The following MGAT4C variants were observed in gnomAD, a reference collection of about 807,000 sequenced individuals.
The protein encoded by MGAT4C is MGAT4 family member C, also known as alpha-1,3-mannosyl-glycoprotein 4-beta-N-acetylglucosaminyltransferase C.
MGAT4C carries 19 observed loss-of-function variants against 40.1 expected under a neutral mutation model. That is an observed-to-expected ratio of 0.47 (90% CI 0.33 to 0.70). The LOEUF (loss-of-function observed/expected upper bound fraction) is 0.70, where lower values mean the gene tolerates loss of function less well. Ranked by LOEUF, MGAT4C falls within the 30% of genes least tolerant of loss-of-function variation. The pLI is 0.02. For missense variants in MGAT4C, 491 were observed against 563.2 expected, an observed-to-expected ratio of 0.87 and a Z score of 1.30; for synonymous variants, 181 against 187.1, an observed-to-expected ratio of 0.97 and a Z score of 0.27.
At chr12:86,147,513 T>A (rs1040856694) in intron 1 of MGAT4C, among the ~76,000 whole-genome samples, 1 of 152,228 alleles carries the variant, frequency 6.6e-6, no homozygotes, top group Admixed American at 6.5e-5. Flanking sequence ...AGTGCTGGGA[T>A]TACAGGCGTG....
intron 2 of MGAT4C, among the ~76,000 whole-genome samples, chr12:86,603,779 C>A (rs563851100): frequency 1.5e-4 from 7 of 46,578 alleles, no homozygotes; most frequent in African/African-American, 2.8e-4. Context: ...ATTATATATA[C>A]TATATAATAT....
chr12:86,530,364 T>C (rs1565829137), intron 2 of MGAT4C, among the ~76,000 whole-genome samples: 1 of 151,972 alleles, frequency 6.6e-6, no homozygotes, highest in Non-Finnish European at 1.5e-5. Flanking sequence ...GAAGATAGCC[T>C]CTGAATCTTA....
chr12:86,545,180 A>G (rs1959186970), intron 2 of MGAT4C, among the ~76,000 whole-genome samples: 1 of 152,004 alleles, frequency 6.6e-6, no homozygotes, highest in Admixed American at 6.6e-5. Context: ...ATGTAAATCA[A>G]TTTATAAATG....
At chr12:86,041,297 T>C (rs1475869266) in intron 2 of MGAT4C, among the ~76,000 whole-genome samples, 1 of 152,156 alleles carries the variant, frequency 6.6e-6, no homozygotes, top group Admixed American at 6.6e-5. Context: ...TTTTTTTTTA[T>C]GGTTTGTGTG....
At chr12:86,819,613 T>C (rs1405922679) in intron 1 of MGAT4C, among the ~76,000 whole-genome samples, 1 of 150,852 alleles carries the variant, frequency 6.6e-6, no homozygotes, top group East Asian at 1.9e-4. Context: ...TTGGAAAATG[T>C]TTAAAACTTT....
intron 2 of MGAT4C, among the ~76,000 whole-genome samples, chr12:86,565,507 G>A (rs1960053302): frequency 2.0e-5 from 3 of 152,212 alleles, no homozygotes; most frequent in Admixed American, 2.0e-4. Context: ...AGTCTTTCCA[G>A]TGGGGAGAAC....
At chr12:86,230,000 G>A (rs1339147520) in intron 1 of MGAT4C, among the ~76,000 whole-genome samples, 1 of 152,012 alleles carries the variant, frequency 6.6e-6, no homozygotes, top group East Asian at 1.9e-4. Context: ...AAGAGACAAT[G>A]TCAATCTAAC....
chr12:86,295,277 G>T (rs956606991), intron 4 of MGAT4C, among the ~76,000 whole-genome samples: 1 of 152,128 alleles, frequency 6.6e-6, no homozygotes, highest in African/African-American at 2.4e-5. Flanking sequence ...AATTATTTGT[G>T]ATAACTTTTA....
At chr12:86,688,157 CTTTTTTTTTTTTT>C (rs55637680) in intron 2 of MGAT4C, among the ~76,000 whole-genome samples, 1 of 65,188 alleles carries the variant, frequency 1.5e-5, no homozygotes, top group Non-Finnish European at 2.6e-5. Flanking sequence ...GCAACCCCTG[CTTTTTTTTTTTTT>C]TTTTTTTTTT....
At chr12:86,112,114 C>A (rs752026700) in intron 1 of MGAT4C, among the ~76,000 whole-genome samples, 4 of 151,554 alleles carry the variant, frequency 2.6e-5, no homozygotes, top group Non-Finnish European at 5.9e-5. Context: ...AAGTGCATAT[C>A]ATCTATGCAT....
intron 2 of MGAT4C, among the ~76,000 whole-genome samples, chr12:86,440,416 T>C (rs904391371): frequency 1.3e-5 from 2 of 151,874 alleles, no homozygotes; most frequent in African/African-American, 4.8e-5. Context: ...AGCCATTCAA[T>C]AAAACCCAGC....
At chr12:86,383,565 A>AC (rs1955993575) in intron 3 of MGAT4C, among the ~76,000 whole-genome samples, 2 of 150,684 alleles carry the variant, frequency 1.3e-5, no homozygotes, top group South Asian at 2.1e-4. Context: ...AAAAAAAAAA[A>AC]AAAAAAAAAA....
At chr12:86,146,317 T>C (rs890472693) in intron 1 of MGAT4C, among the ~76,000 whole-genome samples, 43 of 152,258 alleles carry the variant, frequency 2.8e-4, no homozygotes, top group African/African-American at 9.6e-4. Context: ...GGAATCCACA[T>C]GTCCCATCGT....
chr12:86,666,673 C>G (rs543963258), intron 2 of MGAT4C, among the ~76,000 whole-genome samples: 1 of 152,216 alleles, frequency 6.6e-6, no homozygotes, highest in South Asian at 2.1e-4. Flanking sequence ...TTAGAAACAT[C>G]AACATAGCTT....
At chr12:86,645,329 T>G (rs541403412) in intron 2 of MGAT4C, among the ~76,000 whole-genome samples, 2 of 151,848 alleles carry the variant, frequency 1.3e-5, no homozygotes, top group Admixed American at 1.3e-4. Flanking sequence ...CTGAGATCAC[T>G]CATGTATTAC....
chr12:86,188,640 A>G (rs1156897353), intron 1 of MGAT4C, among the ~76,000 whole-genome samples: 5 of 152,006 alleles, frequency 3.3e-5, no homozygotes, highest in African/African-American at 4.8e-5. Flanking sequence ...TAGATGTGAT[A>G]TTTTGGAAGT....
chr12:86,100,874 A>G (rs1399272802), intron 1 of MGAT4C, among the ~76,000 whole-genome samples: 1 of 151,624 alleles, frequency 6.6e-6, no homozygotes, highest in East Asian at 1.9e-4. Flanking sequence ...GGGAGGAAAA[A>G]GATAGACTAT....
At chr12:86,444,159 C>T (rs989868313) in intron 2 of MGAT4C, among the ~76,000 whole-genome samples, 14 of 152,156 alleles carry the variant, frequency 9.2e-5, no homozygotes, top group African/African-American at 3.1e-4. Flanking sequence ...TCCATATCAC[C>T]AAAGGCACTA....
intron 3 of MGAT4C, among the ~76,000 whole-genome samples, chr12:86,345,337 C>T (rs1955006019): frequency 1.3e-5 from 2 of 151,680 alleles, no homozygotes; most frequent in African/African-American, 4.8e-5. Flanking sequence ...AGGTTTGTTA[C>T]ATATGTATAC....
Sources: allele counts gnomAD v4.1 joint callset (sites outside exome capture counted in the v4.1 genomes callset), GRCh38; gene constraint gnomAD v4.1.1; transcripts MANE v1.5; gene names NCBI Gene and HGNC (gene_info 2026-07-23, HGNC 2026-07-21).